The following ULK1 variants were observed in gnomAD, a reference collection of about 807,000 sequenced individuals.
ULK1 encodes unc-51 like autophagy activating kinase 1, also known as serine/threonine-protein kinase ULK1.
A neutral mutation model predicts 117.5 loss-of-function variants in ULK1; 48 were observed. The observed-to-expected ratio is 0.41, with a 90% CI of 0.32 to 0.52. ULK1 has a LOEUF of 0.52. ULK1 is among the 20% of genes least tolerant of loss of function. The pLI, the probability that ULK1 is intolerant of heterozygous loss-of-function variation, is 0.29. For missense variants in ULK1, 1,387 were observed against 1,473.4 expected (o/e 0.94, Z 0.96); for synonymous variants, 790 against 637.8 (o/e 1.24, Z -3.60).
chr12:131,906,681 TG>T, intron 3 of ULK1: 1 of 622,402 alleles, frequency 1.6e-6, no homozygotes, highest in East Asian at 2.7e-5. Flanking sequence ...GCCTTTGCCT[TG>T]ATCAGATGGA....
At chr12:131,906,543 G>T (rs994571371) in intron 3 of ULK1, 2 of 308,214 alleles carry the variant, frequency 6.5e-6, no homozygotes, top group African/African-American at 2.2e-5. Context: ...TTTGATCCTG[G>T]GCTGAGGAGC....
rs1055933903 is a variant in ULK1, at chr12:131,902,687, C to T, written c.247-4205C>T. Among the ~76,000 whole-genome samples, 5 of 151,982 alleles carry T rather than the reference C, an allele frequency of 3.3e-5. No individual in the cohort carries two copies. The highest frequency in any genetic ancestry group is 7.4e-5 in the Non-Finnish European group (5 of 67,982). On this transcript the variant is annotated intron_variant, in intron 3 of 27. Transcript: ENST00000321867. The surrounding 1 kb of genome is among the most constrained non-coding windows in gnomAD (Gnocchi z 6.3). ...AGGCGGCAAGTTGGGACCCACCTCC[C>T]GGGGTGGGGGTGATGGTGCAGGGAG...
In ULK1 at chr12:131,917,566, C is replaced by T. The variant is rs1036535434; in HGVS notation, c.2326+12C>T. 2.1e-6 allele frequency: 3 copies of T among 1,409,228 alleles called. No individual in the cohort carries two copies. The highest frequency in any genetic ancestry group is 2.7e-5 in the East Asian group (1 of 37,050). The allele number at this position is 1,409,228 out of a possible 1,614,324, so 87.3% of individuals were successfully genotyped here. ...CAGGATGTTCTCAGGTGAGGGCTGG[C>T]TAGGCTGAAGCCCTGTCCCTTTTGG... On this transcript the variant is annotated intron_variant, in intron 22 of 27. Transcript: ENST00000321867.
At chr12:131,920,665 C>A (rs4964916) in intron 26 of ULK1, 148,638 of 194,444 alleles carry the variant, frequency 0.76, 60,912 homozygotes, top group Non-Finnish European at 0.91. Context: ...GATCCTCTTG[C>A]CTCAGCTTCC....
chr12:131,908,616 C>G (rs920629824), intron 5 of ULK1, 28 bp from the exon 6 acceptor site: 32 of 1,452,668 alleles, frequency 2.2e-5, no homozygotes, highest in Middle Eastern at 1.8e-4. Context: ...AACACGGCCC[C>G]CAGGCCCTGA....
intron 12 of ULK1, among the ~76,000 whole-genome samples, chr12:131,911,724 G>A (rs937644261): frequency 2.6e-5 from 4 of 152,140 alleles, no homozygotes; most frequent in South Asian, 2.1e-4. Context: ...GTGGCTCGTC[G>A]GGGGGCCTGT....
intron 19 of ULK1, 75 bp from the exon 20 acceptor site, chr12:131,916,323 G>T: frequency 6.6e-7 from 1 of 1,521,056 alleles, no homozygotes; most frequent in South Asian, 1.3e-5. Context: ...CTGCGGACTC[G>T]GCCCCTTCCC....
At chr12:131,904,157 C>T (rs764128799) in intron 3 of ULK1, among the ~76,000 whole-genome samples, 27 of 152,040 alleles carry the variant, frequency 1.8e-4, no homozygotes, top group Non-Finnish European at 3.4e-4. Context: ...CTCTGCCTTT[C>T]TTCTTTTTGA....
chr12:131,914,874 C>T (rs942732107), intron 16 of ULK1, among the ~76,000 whole-genome samples: 1 of 152,180 alleles, frequency 6.6e-6, no homozygotes, highest in Admixed American at 6.5e-5. Flanking sequence ...GCCAACTCCT[C>T]CCACACACCC....
chr12:131,920,801 C>G (rs554498133), intron 26 of ULK1: 98 of 399,350 alleles, frequency 2.5e-4, no homozygotes, highest in Admixed American at 5.6e-4. Flanking sequence ...CTCCTGCCCC[C>G]CTTCCCGCCC....
chr12:131,916,269 C>G (rs116841412), intron 19 of ULK1, 110 bp downstream of exon 19: 3 of 1,515,762 alleles, frequency 2.0e-6, no homozygotes, highest in Non-Finnish European at 2.7e-6. Context: ...TTTTGACCCC[C>G]GCCTGGGCTC....
chr12:131,916,277 C>T (rs1256186831), intron 19 of ULK1, 118 bp downstream of exon 19: 1 of 1,514,010 alleles, frequency 6.6e-7, no homozygotes, highest in African/African-American at 1.4e-5. Flanking sequence ...CCCGCCTGGG[C>T]TCATGCTCAG....
chr12:131,895,033 T>G lies in ULK1; in HGVS notation c.32T>G (p.Val11Gly). Residue 11 changes from valine (V) to glycine (G), a missense_variant, in exon 1 of 28, where the codon GTG becomes GGG. Around this residue, in one of 4 missense-constraint regions of ULK1, gnomAD observed 224 missense variants for 325.2 expected, o/e 0.69. Transcript: ENST00000321867. The stretch of plus-strand genomic sequence containing the variant: ...CCCGGCCGCGGCGGCACAGAGACCG[T>G]GGGCAAGTTCGAGTTCTCCCGCAAG... Reference protein sequence around the residue: MEPGRGGTETVGKFEFSRKDL... With the variant: MEPGRGGTETGGKFEFSRKDL... 1 of 1,552,498 alleles carries G rather than the reference T, an allele frequency of 6.4e-7. No homozygotes were observed. Among genetic ancestry groups the G allele is most frequent in the Non-Finnish European group, 8.7e-7 (1 of 1,155,646 alleles).
In ULK1 at chr12:131,895,675, G is replaced by A; in HGVS notation, c.186G>A (p.Lys62=). Residue 62 remains lysine, a synonymous_variant, in exon 2 of 28, where the codon AAG becomes AAA. Coordinates refer to ENST00000321867, the MANE Select transcript of ULK1 (RefSeq NM_003565.4). ...NLAKSQTLLG[K]EIKILKELKH... ...CCAAGTCTCAGACGCTGCTGGGGAA[G>A]GAAATCAAAATCCTGAAGGTGAGCC... 1.2e-6 allele frequency: 2 copies of A among 1,614,154 alleles called. No homozygotes were observed. The highest frequency in any genetic ancestry group is 2.2e-5 in the South Asian group (2 of 91,088).
chr12:131,919,124 C>T, intron 23 of ULK1, 88 bp from the exon 24 acceptor site: 13 of 1,451,228 alleles, frequency 9.0e-6, no homozygotes, highest in Non-Finnish European at 1.2e-5. Flanking sequence ...TGCCCTGCCT[C>T]CCCAAGGCGT....
Position 131,916,168 on chromosome 12 carries a change from C to T in ULK1, c.1878+9C>T. On this transcript the variant is annotated intron_variant, in intron 19 of 27. Transcript: ENST00000321867. ...TGGGCTCCCCCACCAAGGTAATGGG[C>T]ACTGCCATGTGTGCAGGGGCACAGA... 1.9e-6 allele frequency: 3 copies of T among 1,609,826 alleles called. No individual in the cohort carries two copies. The highest frequency in any genetic ancestry group is 1.1e-5 in the South Asian group (1 of 90,900).
At chr12:131,918,773 G>C in intron 23 of ULK1, 92 bp downstream of exon 23, 1 of 1,252,858 alleles carries the variant, frequency 8.0e-7, no homozygotes, top group Non-Finnish European at 1.1e-6. Context: ...GGGTGTGTGG[G>C]GTGTCGGGTG....
chr12:131,913,295 G>A, intron 14 of ULK1, 37 bp downstream of exon 14: 1 of 1,504,368 alleles, frequency 6.6e-7, no homozygotes, highest in South Asian at 1.3e-5. Flanking sequence ...TTTTAGGGGA[G>A]AGAAACTGTG....
At chr12:131,895,172 C>T (rs1566110997) in intron 1 of ULK1, 60 bp downstream of exon 1, 2 of 1,227,984 alleles carry the variant, frequency 1.6e-6, no homozygotes, top group Non-Finnish European at 2.2e-6. Flanking sequence ...TGCATCCCCG[C>T]CCCGAGATTC....
Sources: allele counts gnomAD v4.1 joint callset (sites outside exome capture counted in the v4.1 genomes callset), GRCh38; gene constraint gnomAD v4.1.1; regional missense constraint gnomAD v4.1.1; non-coding constraint Gnocchi (gnomAD v3.1); transcripts MANE v1.5; gene names NCBI Gene and HGNC (gene_info 2026-07-23, HGNC 2026-07-21).